The following SCLT1 variants were observed in gnomAD, a reference collection of about 807,000 sequenced individuals.
SCLT1 encodes the protein sodium channel-associated protein 1.
SCLT1 carries 78 observed loss-of-function variants against 112.8 expected under a neutral mutation model. The observed-to-expected ratio is 0.69, with a 90% CI of 0.58 to 0.83. SCLT1 has a LOEUF of 0.83. Among genes scored for constraint, SCLT1 ranks in the 40% least tolerant of loss-of-function variants. The pLI, the probability that SCLT1 is intolerant of heterozygous loss-of-function variation, is 0.00. For synonymous variants in SCLT1, 257 were observed against 254.7 expected (o/e 1.01, Z -0.09); for missense variants, 747 against 770.4 (o/e 0.97, Z 0.36).
chr4:129,087,782 A>G (rs1308953534), intron 1 of SCLT1, among the ~76,000 whole-genome samples: 4 of 151,418 alleles, frequency 2.6e-5, no homozygotes, highest in African/African-American at 7.3e-5. Context: ...AAAGGAAGAA[A>G]AAAAAAGAAA....
intron 9 of SCLT1, among the ~76,000 whole-genome samples, chr4:128,978,232 C>G (rs940870145): frequency 6.6e-6 from 1 of 152,004 alleles, no homozygotes; most frequent in Non-Finnish European, 1.5e-5. Flanking sequence ...AACCACTGAC[C>G]TAGCAATTCA....
At chr4:129,090,553 T>C (rs1308348131) in intron 1 of SCLT1, among the ~76,000 whole-genome samples, 1 of 152,204 alleles carries the variant, frequency 6.6e-6, no homozygotes, top group Non-Finnish European at 1.5e-5. Flanking sequence ...AATGATTTCT[T>C]TTATGACACC....
rs922973961 is a variant in SCLT1, at chr4:128,901,683, T to TA, written c.1830-10547dup. On this transcript the variant is annotated intron_variant, in intron 18 of 20. Coordinates refer to ENST00000281142, the MANE Select transcript of SCLT1 (RefSeq NM_144643.4). ...ACTTAAAGTATAATAAAAAAAAAAT[T>TA]AAAAAAAAAGACTGCACCCTTGTCC... is the stretch of plus-strand genomic sequence containing the variant. Among the ~76,000 whole-genome samples, 12 of 150,858 alleles carry TA rather than the reference T, an allele frequency of 8.0e-5. No individual in the cohort carries two copies. In the Middle Eastern group the frequency reaches 0.017, roughly 214 times the overall value.
intron 12 of SCLT1, among the ~76,000 whole-genome samples, chr4:128,957,727 A>C (rs1396809332): frequency 2.0e-5 from 3 of 151,956 alleles, no homozygotes; most frequent in Non-Finnish European, 2.9e-5. Flanking sequence ...AATCTCTTTT[A>C]TACTCCCTTG....
At chr4:129,079,364 G>A (rs979216534) in intron 2 of SCLT1, among the ~76,000 whole-genome samples, 2 of 152,184 alleles carry the variant, frequency 1.3e-5, no homozygotes, top group Non-Finnish European at 2.9e-5. Context: ...AAGATACAAT[G>A]AAGGTATAGA....
chr4:129,030,964 A>T (rs749048244), intron 5 of SCLT1, among the ~76,000 whole-genome samples: 2 of 152,088 alleles, frequency 1.3e-5, no homozygotes, highest in Non-Finnish European at 2.9e-5. Context: ...CTCCTCCCTA[A>T]CTCATTTTAT....
chr4:128,939,900 T>C (rs2125985647), intron 17 of SCLT1, among the ~76,000 whole-genome samples: 1 of 152,276 alleles, frequency 6.6e-6, no homozygotes, highest in South Asian at 2.1e-4. Context: ...GGTTCCTATT[T>C]TGTCAAAGAA....
chr4:129,084,261 T>C (rs1752206052), intron 1 of SCLT1, among the ~76,000 whole-genome samples: 1 of 152,196 alleles, frequency 6.6e-6, no homozygotes, highest in Non-Finnish European at 1.5e-5. Flanking sequence ...TATTCATAGT[T>C]ATGAGTGCAT....
At chr4:128,932,308 G>A (rs998045892) in intron 18 of SCLT1, among the ~76,000 whole-genome samples, 1 of 152,000 alleles carries the variant, frequency 6.6e-6, no homozygotes, top group Non-Finnish European at 1.5e-5. Flanking sequence ...TTCATGGCAT[G>A]AATTAAAGTG....
chr4:129,017,566 G>C (rs1745102122), intron 5 of SCLT1, among the ~76,000 whole-genome samples: 1 of 152,020 alleles, frequency 6.6e-6, no homozygotes. Context: ...TAAACATCTT[G>C]AAAATTAAAT....
chr4:128,959,247 C>T (rs558046625), intron 12 of SCLT1, among the ~76,000 whole-genome samples: 14 of 150,974 alleles, frequency 9.3e-5, no homozygotes, highest in Middle Eastern at 3.2e-3. Flanking sequence ...GGAATAGAGA[C>T]GGGTAAGATT....
At chr4:128,949,567 C>T (rs1458032879) in intron 14 of SCLT1, among the ~76,000 whole-genome samples, 5 of 151,960 alleles carry the variant, frequency 3.3e-5, no homozygotes, top group African/African-American at 1.2e-4. Context: ...GTGTGATGTT[C>T]CCCTTCCTGT....
At chr4:128,982,856 A>G (rs1211271233) in intron 9 of SCLT1, among the ~76,000 whole-genome samples, 4 of 151,996 alleles carry the variant, frequency 2.6e-5, no homozygotes, top group Non-Finnish European at 4.4e-5. Flanking sequence ...TGAGAAGTTA[A>G]TAAGGACCCC....
intron 5 of SCLT1, among the ~76,000 whole-genome samples, chr4:129,006,740 G>T (rs1039235407): frequency 1.3e-5 from 2 of 151,958 alleles, no homozygotes; most frequent in Non-Finnish European, 2.9e-5. Flanking sequence ...CCAATCTTGC[G>T]TTTCTAATGC....
At position 129,093,149 on chromosome 4, in the gene SCLT1, C is replaced by T; in HGVS notation, c.-46G>A. On this transcript the variant is annotated 5_prime_UTR_variant, in exon 1 of 21. Coordinates refer to ENST00000281142, the MANE Select transcript of SCLT1 (RefSeq NM_144643.4). The stretch of plus-strand genomic sequence containing the variant: ...GAGCTTTCACCACCTTTACCTTCCT[C>T]TGAAAGACAGAGAGCTTGCTGTGCG... 5 of 1,590,158 alleles carry T rather than the reference C, an allele frequency of 3.1e-6. No homozygotes were observed. The highest frequency in any genetic ancestry group is 4.3e-6 in the Non-Finnish European group (5 of 1,158,276).
rs566936227 is a variant in SCLT1 at position 128,946,706 on chromosome 4, C to T, written c.1294-554G>A. Among the ~76,000 whole-genome samples, 3 of 152,202 alleles carry T rather than the reference C, an allele frequency of 2.0e-5. No homozygotes were observed. In the East Asian group the frequency reaches 5.8e-4, roughly 29 times the overall value. ...ACCACTGGTGATTCTTTGATGAGTA[C>T]CGTTCAATACAATCCTCTTTTCCAA... On this transcript the variant is annotated intron_variant, in intron 15 of 20. Transcript: ENST00000281142.
At chr4:128,903,819 G>A (rs766781483) in intron 18 of SCLT1, among the ~76,000 whole-genome samples, 1 of 152,060 alleles carries the variant, frequency 6.6e-6, no homozygotes, top group African/African-American at 2.4e-5. Context: ...GGAAAGACCC[G>A]GGAGGATGAT....
intron 9 of SCLT1, among the ~76,000 whole-genome samples, chr4:128,984,286 A>G (rs1741912921): frequency 6.6e-6 from 1 of 152,194 alleles, no homozygotes; most frequent in African/African-American, 2.4e-5. Flanking sequence ...CAACTCTGCT[A>G]CTTGACTTCC....
rs137988931 is a variant in SCLT1 at position 128,911,261 on chromosome 4, C to T, written c.1830-20124G>A. Among the ~76,000 whole-genome samples, 19 of 151,950 alleles carry T rather than the reference C, an allele frequency of 1.3e-4. No individual in the cohort carries two copies. The East Asian group carries it at 2.9e-3, about 23-fold the overall frequency. Reference sequence around the variant, plus strand: ...AGCCTGGGCAATAAGAATGAAACTCCGTCTCAAAAAAATATAATAAATAGG... The same window carrying T: ...AGCCTGGGCAATAAGAATGAAACTCTGTCTCAAAAAAATATAATAAATAGG... On this transcript the variant is annotated intron_variant, in intron 18 of 20. Transcript: ENST00000281142.
Sources: allele counts gnomAD v4.1 joint callset (sites outside exome capture counted in the v4.1 genomes callset), GRCh38; gene constraint gnomAD v4.1.1; transcripts MANE v1.5; gene names NCBI Gene and HGNC (gene_info 2026-07-23, HGNC 2026-07-21).